PTER: variants seen among roughly 807,000 people sequenced by gnomAD.
The protein encoded by PTER is N-acetyltaurine hydrolase.
In PTER, 38 loss-of-function variants were observed where a neutral mutation model predicts 29.6. The ratio of observed to expected loss-of-function variants is 1.28; its 90% CI spans 0.99 to 1.68. The LOEUF (loss-of-function observed/expected upper bound fraction) is 1.68. PTER is among the 40% of genes most tolerant of loss of function. The pLI is 0.00. For synonymous variants in PTER, 172 were observed against 154.5 expected (o/e 1.11, Z -0.84); for missense variants, 482 against 427.8 (o/e 1.13, Z -1.12).
Position 16,484,279 on chromosome 10 carries a change from G to GT in PTER, c.-48-55dup, listed in dbSNP as rs2133449002. 4 of 1,167,172 alleles carry GT rather than the reference G, an allele frequency of 3.4e-6. No homozygotes were observed. In the East Asian group the frequency reaches 7.1e-5, roughly 21 times the overall value. The allele number at this position is 1,167,172 out of a possible 1,614,324, so 72.3% of individuals were successfully genotyped here. On this transcript the variant is annotated intron_variant, in intron 1 of 4. Coordinates refer to ENST00000535784, the MANE Select transcript of PTER (RefSeq NM_001261836.2). ...AGCCTCCCACCCCTTACGGACAAGA[G>GT]TTTATGTGTGTGTTAAATATTCTGA...
chr10:16,447,737 T>G (rs1834068086), intron 1 of PTER, among the ~76,000 whole-genome samples: 1 of 152,180 alleles, frequency 6.6e-6, no homozygotes, highest in African/African-American at 2.4e-5. Context: ...TATGCCTGCA[T>G]ATATTCATGC....
chr10:16,483,321 AGT>A lies in PTER; in HGVS notation c.-48-1011_-48-1010del, dbSNP rs371379639. Among the ~76,000 whole-genome samples the A allele has an allele frequency of 2.6e-3, 397 of 152,254 alleles. 1 individual carries two copies. Among genetic ancestry groups the A allele is most frequent in the African/African-American group, 8.8e-3 (366 of 41,548 alleles). The stretch of plus-strand genomic sequence containing the variant: ...AATCTTTGCTTTTCAGTATTTTTGA[AGT>A]GTGTTTCTGTGTGCCCTAGACAATC... On this transcript the variant is annotated intron_variant, in intron 1 of 4. Transcript: ENST00000535784.
chr10:16,480,371 T>C (rs1444861433), intron 1 of PTER, among the ~76,000 whole-genome samples: 2 of 151,840 alleles, frequency 1.3e-5, no homozygotes, highest in Non-Finnish European at 1.5e-5. Flanking sequence ...AATTTTTGTA[T>C]TTTTTATAGA....
intron 3 of PTER, among the ~76,000 whole-genome samples, chr10:16,500,273 G>A (rs1473399642): frequency 6.7e-6 from 1 of 148,652 alleles, no homozygotes; most frequent in Non-Finnish European, 1.5e-5. Flanking sequence ...CACCCAGGCT[G>A]GAGTGCAGCA....
At chr10:16,457,820 C>T (rs1276414433) in intron 1 of PTER, among the ~76,000 whole-genome samples, 3 of 151,660 alleles carry the variant, frequency 2.0e-5, no homozygotes, top group Non-Finnish European at 4.4e-5. Flanking sequence ...ATGTTGGCCG[C>T]GCTAGTCTCA....
At position 16,456,862 on chromosome 10, in the gene PTER, T is replaced by TTGGGG. The variant is rs147690650; in HGVS notation, c.-49+19815_-49+19816insTGGGG. ...GGAGGTAACTGAACCATGGGGAAGG[T>TTGGGG]GGGGGGGGGTTCCGCCATGCTGTTC... On this transcript the variant is annotated intron_variant, in intron 1 of 4. Coordinates refer to ENST00000535784, the MANE Select transcript of PTER (RefSeq NM_001261836.2). 4.4e-5 allele frequency among the ~76,000 whole-genome samples: 5 copies of TTGGGG among 113,598 alleles called. 1 individual carries two copies. The highest frequency in any genetic ancestry group is 1.6e-4 in the African/African-American group (5 of 30,710). 74.5% of individuals were successfully genotyped at this position (113,598 alleles called of 152,430 possible).
rs575504224 is a variant in PTER at position 16,474,947 on chromosome 10, G to A, written c.-48-9390G>A. Among the ~76,000 whole-genome samples, 99 of 152,266 alleles carry A rather than the reference G, an allele frequency of 6.5e-4. 1 individual carries two copies. The highest frequency in any genetic ancestry group is 2.2e-3 in the African/African-American group (92 of 41,556). On this transcript the variant is annotated intron_variant, in intron 1 of 4. Transcript: ENST00000535784. ...TCTGAAGGCTGAGAAGTCTAAGATT[G>A]AAGCCCTGGCAGATTTGGTGTCTGG...
chr10:16,485,430 T>C (rs1219095507), intron 2 of PTER, among the ~76,000 whole-genome samples: 1 of 152,214 alleles, frequency 6.6e-6, no homozygotes, highest in Non-Finnish European at 1.5e-5. Flanking sequence ...TGCACGTGTA[T>C]GTGTTCTCTT....
intron 1 of PTER, among the ~76,000 whole-genome samples, chr10:16,473,757 C>T (rs1013891550): frequency 1.3e-5 from 2 of 151,980 alleles, no homozygotes; most frequent in African/African-American, 2.4e-5. Context: ...TGGAGAAATG[C>T]CAAAATACCT....
Position 16,513,517 on chromosome 10 carries a change from C to A in PTER, c.*2261C>A, listed in dbSNP as rs1304885562. ...GATATTTGTATAAAATATAAACACT[C>A]TGTTGTCATATAGGCTATATGCGAA... On this transcript the variant is annotated 3_prime_UTR_variant, in exon 5 of 5. Transcript: ENST00000535784. 1 of 152,404 alleles carries A rather than the reference C, an allele frequency of 6.6e-6. No individual in the cohort carries two copies. Among genetic ancestry groups the A allele is most frequent in the East Asian group, 1.9e-4 (1 of 5,194 alleles). 9.4% of individuals were successfully genotyped at this position (152,404 alleles called of 1,614,324 possible).
At chr10:16,463,444 T>C (rs753948618) in intron 1 of PTER, among the ~76,000 whole-genome samples, 1 of 152,172 alleles carries the variant, frequency 6.6e-6, no homozygotes, top group Non-Finnish European at 1.5e-5. Context: ...CAAGTCTCGC[T>C]CTTATCACCC....
intron 1 of PTER, among the ~76,000 whole-genome samples, chr10:16,469,951 G>A (rs1161030932): frequency 6.6e-6 from 1 of 151,868 alleles, no homozygotes; most frequent in Non-Finnish European, 1.5e-5. Flanking sequence ...GCATCAGAGA[G>A]AATGTGAAAA....
At chr10:16,477,704 T>A (rs1176793517) in intron 1 of PTER, among the ~76,000 whole-genome samples, 1 of 152,158 alleles carries the variant, frequency 6.6e-6, no homozygotes, top group Non-Finnish European at 1.5e-5. Context: ...AGCCATGGAT[T>A]CTTACCTCTG....
At chr10:16,491,997 G>A (rs1217688385) in intron 3 of PTER, among the ~76,000 whole-genome samples, 1 of 152,066 alleles carries the variant, frequency 6.6e-6, no homozygotes, top group African/African-American at 2.4e-5. Context: ...TTGCTACATG[G>A]CTATCCAAAA....
rs780216319 is a variant in PTER at position 16,504,990 on chromosome 10, A to G, written c.699-30A>G. On this transcript the variant is annotated intron_variant, in intron 3 of 4. Transcript: ENST00000535784. ...ACATGTGGAAAATGGGCTCTTCATA[A>G]TAACAGTTCATCTGTCGCATTGTTT... 12 of 1,611,244 alleles carry G rather than the reference A, an allele frequency of 7.4e-6. 1 individual carries two copies. The highest frequency in any genetic ancestry group is 1.6e-4 in the Middle Eastern group (1 of 6,070).
chr10:16,511,268 A>G lies in PTER; in HGVS notation c.*12A>G. 6.2e-7 allele frequency: 1 copy of G among 1,601,928 alleles called. No individual in the cohort carries two copies. The stretch of plus-strand genomic sequence containing the variant: ...TAACTTTCAAATAGGATGGTTGCTT[A>G]TGAATTCACACCTTGAGTATAAAAC... On this transcript the variant is annotated 3_prime_UTR_variant, in exon 5 of 5. Transcript: ENST00000535784.
At chr10:16,513,990 T>C (rs1475563802), downstream of PTER, 1 of 244,642 alleles carries the variant, frequency 4.1e-6, no homozygotes, top group Non-Finnish European at 7.8e-6. Flanking sequence ...AGTTGAATCA[T>C]TCCCAGGTCT....
rs141714470 is a variant in PTER, at chr10:16,445,236, C to T, written c.-49+8189C>T. On this transcript the variant is annotated intron_variant, in intron 1 of 4. Transcript: ENST00000535784. ...ATTAAGTCGAGTATGGTTTTAACTACCAATCGCTCTGTAGAAAAGTGTTGT... is the reference window on the plus strand; with the variant it reads ...ATTAAGTCGAGTATGGTTTTAACTATCAATCGCTCTGTAGAAAAGTGTTGT... Among the ~76,000 whole-genome samples, 25 of 152,262 alleles carry T rather than the reference C, an allele frequency of 1.6e-4. No homozygotes were observed. The East Asian group carries it at 2.3e-3, about 14-fold the overall frequency.
intron 1 of PTER, among the ~76,000 whole-genome samples, chr10:16,454,286 A>G (rs1277878134): frequency 6.6e-6 from 1 of 152,176 alleles, no homozygotes; most frequent in Non-Finnish European, 1.5e-5. Flanking sequence ...TAAATACAAA[A>G]TTAACCTGCC....
Sources: gnomAD v4.1 joint callset for allele counts (sites outside exome capture counted in the v4.1 genomes callset) on GRCh38, gnomAD v4.1.1 for gene constraint, MANE v1.5 for transcripts, NCBI Gene and HGNC (gene_info 2026-07-23, HGNC 2026-07-21) for gene names.